The following RSRC1 variants were observed in gnomAD, a reference collection of about 807,000 sequenced individuals.
RSRC1 encodes arginine and serine rich coiled-coil 1.
A neutral mutation model predicts 49.1 loss-of-function variants in RSRC1; 39 were observed. That is an observed-to-expected ratio of 0.79 (90% CI 0.61 to 1.04). RSRC1 has a LOEUF of 1.04. Ranked by LOEUF, RSRC1 falls within the 50% of genes least tolerant of loss-of-function variation. The pLI, the probability that RSRC1 is intolerant of heterozygous loss-of-function variation, is 0.00. For synonymous variants in RSRC1, 143 were observed against 130.8 expected (o/e 1.09, Z -0.63); for missense variants, 388 against 402.4 (o/e 0.96, Z 0.31).
At chr3:158,206,784 C>T (rs894630679) in intron 4 of RSRC1, among the ~76,000 whole-genome samples, 2 of 151,876 alleles carry the variant, frequency 1.3e-5, no homozygotes, top group African/African-American at 4.8e-5. Flanking sequence ...CATAGTGGTG[C>T]GTGCCTGTAA....
chr3:158,312,398 G>T (rs1728181437), intron 5 of RSRC1, among the ~76,000 whole-genome samples: 1 of 152,090 alleles, frequency 6.6e-6, no homozygotes, highest in South Asian at 2.1e-4. Flanking sequence ...TATTTATCAG[G>T]CTAGGTGATA....
intron 1 of RSRC1, among the ~76,000 whole-genome samples, chr3:158,120,518 A>T (rs1345477665): frequency 6.8e-6 from 1 of 148,138 alleles, no homozygotes; most frequent in Non-Finnish European, 1.5e-5. Context: ...AATGGAATGT[A>T]TTAATTATTA....
intron 7 of RSRC1, among the ~76,000 whole-genome samples, chr3:158,470,353 C>CAT (rs1168384550): frequency 1.1e-3 from 134 of 120,100 alleles, no homozygotes; most frequent in African/African-American, 4.3e-3. Context: ...CACACACACA[C>CAT]ACACACACAT....
intron 5 of RSRC1, among the ~76,000 whole-genome samples, chr3:158,338,221 T>G (rs917078809): frequency 6.6e-6 from 1 of 151,538 alleles, no homozygotes; most frequent in Non-Finnish European, 1.5e-5. Context: ...TTTTTTTTTT[T>G]GCAAACCCCT....
intron 5 of RSRC1, among the ~76,000 whole-genome samples, chr3:158,353,587 C>T (rs1175006812): frequency 6.6e-6 from 1 of 152,210 alleles, no homozygotes; most frequent in Non-Finnish European, 1.5e-5. Flanking sequence ...TCACTTGTCT[C>T]ATCTACCACT....
intron 4 of RSRC1, among the ~76,000 whole-genome samples, chr3:158,260,162 C>G (rs981359529): frequency 6.6e-6 from 1 of 151,894 alleles, no homozygotes; most frequent in African/African-American, 2.4e-5. Context: ...CTTCCAATAG[C>G]CACCACAGCT....
intron 6 of RSRC1, among the ~76,000 whole-genome samples, chr3:158,438,999 C>A (rs574438724): frequency 2.6e-5 from 4 of 152,078 alleles, no homozygotes; most frequent in Admixed American, 6.6e-5. Flanking sequence ...AAAAAGTGGG[C>A]GAAGGATATG....
chr3:158,328,855 C>G (rs901303786), intron 5 of RSRC1, among the ~76,000 whole-genome samples: 2 of 152,196 alleles, frequency 1.3e-5, no homozygotes, highest in African/African-American at 4.8e-5. Flanking sequence ...TCCATTCTCC[C>G]CATCACTTTC....
chr3:158,494,064 A>G (rs981500746), intron 7 of RSRC1, among the ~76,000 whole-genome samples: 8 of 152,216 alleles, frequency 5.3e-5, no homozygotes, highest in African/African-American at 1.9e-4. Flanking sequence ...AAATTATTTT[A>G]TCACTTCAAT....
intron 7 of RSRC1, among the ~76,000 whole-genome samples, chr3:158,529,169 A>G (rs960895821): frequency 1.4e-5 from 2 of 148,070 alleles, no homozygotes; most frequent in African/African-American, 5.0e-5. Flanking sequence ...AGAGTAAGAT[A>G]TTATATAAAA....
intron 4 of RSRC1, 125 bp downstream of exon 4, chr3:158,203,370 A>G (rs919023322): frequency 9.7e-6 from 9 of 931,932 alleles, no homozygotes; most frequent in African/African-American, 3.3e-5. Context: ...AAAATGGAAT[A>G]AAAAGAGAGA....
chr3:158,255,422 A>G (rs1297949883), intron 4 of RSRC1, among the ~76,000 whole-genome samples: 3 of 152,072 alleles, frequency 2.0e-5, no homozygotes, highest in African/African-American at 4.8e-5. Context: ...CCATTGGTCT[A>G]TATCTCTGTT....
At chr3:158,123,052 T>C (rs1415705675) in intron 2 of RSRC1, among the ~76,000 whole-genome samples, 1 of 152,162 alleles carries the variant, frequency 6.6e-6, no homozygotes, top group East Asian at 1.9e-4. Context: ...GCTCTTGTTG[T>C]CCAGGCTGGA....
At chr3:158,231,818 C>G (rs965347771) in intron 4 of RSRC1, among the ~76,000 whole-genome samples, 1 of 152,034 alleles carries the variant, frequency 6.6e-6, no homozygotes, top group Non-Finnish European at 1.5e-5. Flanking sequence ...TTAATTTTCA[C>G]TTTGTTATTT....
At chr3:158,354,622 T>A (rs1731058780) in intron 5 of RSRC1, among the ~76,000 whole-genome samples, 1 of 152,194 alleles carries the variant, frequency 6.6e-6, no homozygotes, top group Admixed American at 6.5e-5. Context: ...TATTGCTGAT[T>A]GATACAATGT....
intron 7 of RSRC1, among the ~76,000 whole-genome samples, chr3:158,505,571 G>A (rs1038517411): frequency 2.6e-5 from 4 of 152,116 alleles, no homozygotes; most frequent in Non-Finnish European, 5.9e-5. Flanking sequence ...TTCACAAGGA[G>A]TGGCATTTGA....
At chr3:158,195,570 G>T (rs1257048144) in intron 3 of RSRC1, among the ~76,000 whole-genome samples, 1 of 152,130 alleles carries the variant, frequency 6.6e-6, no homozygotes, top group Non-Finnish European at 1.5e-5. Flanking sequence ...TGAAGTCCTT[G>T]CCCATGCCTA....
rs16829076 is a variant in RSRC1, at chr3:158,533,120, T to C, written c.653-3972T>C. Among the ~76,000 whole-genome samples, 1,192 of 151,904 alleles carry C rather than the reference T, an allele frequency of 7.8e-3. 22 individuals carry two copies. The highest frequency in any genetic ancestry group is 0.027 in the African/African-American group (1,116 of 41,504). On this transcript the variant is annotated intron_variant, in intron 7 of 9. Transcript: ENST00000611884. ...ACATTTGTGGTCACTGACATGAGAA[T>C]TTTGAGTAAGAAGCAATTTAAAACA...
At chr3:158,265,462 C>A in intron 4 of RSRC1, among the ~76,000 whole-genome samples, 1 of 152,006 alleles carries the variant, frequency 6.6e-6, no homozygotes, top group Non-Finnish European at 1.5e-5. Flanking sequence ...GAACCTCTGT[C>A]TCTACTAAAA....
Sources: allele counts gnomAD v4.1 joint callset (sites outside exome capture counted in the v4.1 genomes callset), GRCh38; gene constraint gnomAD v4.1.1; transcripts MANE v1.5; gene names NCBI Gene and HGNC (gene_info 2026-07-23, HGNC 2026-07-21).